The following TMPRSS13 variants were observed in gnomAD, a reference collection of about 807,000 sequenced individuals.
TMPRSS13 encodes the protein transmembrane protease serine 13.
Under a neutral mutation model 68.4 loss-of-function variants are expected in TMPRSS13, and 50 were observed. That is an observed-to-expected ratio of 0.73 (90% CI 0.58 to 0.93). TMPRSS13 has a LOEUF of 0.93. Among genes scored for constraint, TMPRSS13 ranks in the 40% least tolerant of loss-of-function variants. The pLI is 0.00. For missense variants in TMPRSS13, 615 were observed against 729.2 expected (o/e 0.84, Z 1.80); for synonymous variants, 267 against 285.8 (o/e 0.93, Z 0.66).
rs892891980 is a variant in TMPRSS13 at position 117,910,753 on chromosome 11, G to A, written c.903-3C>T. 1 of 1,606,288 alleles carries A rather than the reference G, an allele frequency of 6.2e-7. No individual in the cohort carries two copies. The highest frequency in any genetic ancestry group is 8.5e-7 in the Non-Finnish European group (1 of 1,175,598). The stretch of plus-strand genomic sequence containing the variant: ...ACCGCTGGGAAGGGCATTCAGACCT[G>A]CAGGGGGAGACACAGAAAGTGGGAA... On this transcript the variant is annotated splice_region_variant and splice_polypyrimidine_tract_variant and intron_variant, in intron 6 of 12. Transcript: ENST00000524993.
At chr11:117,907,703 T>G in intron 9 of TMPRSS13, 37 of 705,098 alleles carry the variant, frequency 5.2e-5, no homozygotes, top group South Asian at 1.3e-4. Context: ...CTTCCTCTGC[T>G]GAGCTTCCCC....
At chr11:117,921,660 A>G (rs2057650066) in intron 1 of TMPRSS13, among the ~76,000 whole-genome samples, 1 of 152,192 alleles carries the variant, frequency 6.6e-6, no homozygotes. Flanking sequence ...AGAAAGGGCG[A>G]CACATCCGAA....
intron 1 of TMPRSS13, among the ~76,000 whole-genome samples, chr11:117,923,222 G>A (rs911910159): frequency 2.6e-5 from 4 of 152,202 alleles, no homozygotes; most frequent in Admixed American, 6.5e-5. Context: ...TAAACCCAAG[G>A]CCCCCCACTT....
intron 5 of TMPRSS13, among the ~76,000 whole-genome samples, chr11:117,913,483 AGTGAAT>A (rs2057543074): frequency 6.6e-6 from 1 of 152,324 alleles, no homozygotes; most frequent in East Asian, 1.9e-4. Context: ...CACCACGATC[AGTGAAT>A]GTGATAATGG....
At position 117,900,715 on chromosome 11, in the gene TMPRSS13, C is replaced by T. The variant is rs2057405198; in HGVS notation, c.*1524G>A. On this transcript the variant is annotated 3_prime_UTR_variant, in exon 13 of 13. Transcript: ENST00000524993. The stretch of plus-strand genomic sequence containing the variant: ...GCAGACAGGAATGTGGCCTCCTTCC[C>T]AGTCTTGCTAACATTCCCCAGTGTA... 1 of 152,250 alleles carries T rather than the reference C, an allele frequency of 6.6e-6. No individual in the cohort carries two copies. Among genetic ancestry groups the T allele is most frequent in the African/African-American group, 2.4e-5 (1 of 41,460 alleles). 9.4% of individuals were successfully genotyped at this position (152,250 alleles called of 1,614,324 possible).
In TMPRSS13 at chr11:117,922,433, C is replaced by T. The variant is rs1407231040; in HGVS notation, c.22-3595G>A. 6.6e-6 allele frequency among the ~76,000 whole-genome samples: 1 copy of T among 152,142 alleles called. No homozygotes were observed. Among genetic ancestry groups the T allele is most frequent in the Non-Finnish European group, 1.5e-5 (1 of 68,030 alleles). On this transcript the variant is annotated intron_variant, in intron 1 of 12. Coordinates refer to ENST00000524993, the MANE Select transcript of TMPRSS13 (RefSeq NM_001077263.3). The surrounding 1 kb of genome is among the most constrained non-coding windows in gnomAD (Gnocchi z 4.2). Reference sequence around the variant, plus strand: ...TATTTTTAATAGAGATGGGGTTTCACCATGTTGGCCAGGATGGTCTCGATC... The same window carrying T: ...TATTTTTAATAGAGATGGGGTTTCATCATGTTGGCCAGGATGGTCTCGATC...
At position 117,908,696 on chromosome 11, in the gene TMPRSS13, T is replaced by G; in HGVS notation, c.1198A>C (p.Ile400Leu). The G allele has an allele frequency of 6.2e-7, 1 of 1,604,218 alleles. No homozygotes were observed. The highest frequency in any genetic ancestry group is 1.1e-5 in the South Asian group (1 of 88,276). ...TCGGTGTAATTGCTGTTGATGATGATCTCGGCAATGGAGGCTGCCTCAGGC... is the reference window on the plus strand; with the variant it reads ...TCGGTGTAATTGCTGTTGATGATGAGCTCGGCAATGGAGGCTGCCTCAGGC... ...QLPEAASIAE[I>L]IINSNYTDEE... is the part of the protein sequence containing the mutation. The change falls in exon 9 of 13, where the codon ATC becomes CTC. Residue 400 changes from isoleucine to leucine, a missense_variant. Physicochemically the swap from Ile to Leu is conservative, Grantham distance 5 (BLOSUM62 2). Transcript: ENST00000524993.
At position 117,910,690 on chromosome 11, in the gene TMPRSS13, G is replaced by T. The variant is rs1367453575; in HGVS notation, c.946+17C>A. ...CCACACGACACTGGCCACAATCCAA[G>T]AAGAAGAACATCTTACGGGAACACT... On this transcript the variant is annotated intron_variant, in intron 7 of 12. Transcript: ENST00000524993. 6.9e-6 allele frequency: 11 copies of T among 1,604,638 alleles called. No individual in the cohort carries two copies. Among genetic ancestry groups the T allele is most frequent in the Non-Finnish European group, 9.4e-6 (11 of 1,174,560 alleles).
chr11:117,919,874 C>T (rs1163619720), intron 1 of TMPRSS13, among the ~76,000 whole-genome samples: 1 of 152,240 alleles, frequency 6.6e-6, no homozygotes, highest in Non-Finnish European at 1.5e-5. Context: ...GCTTCCTGCA[C>T]AGTCTTCGTG....
rs1591618649 is a variant in TMPRSS13, at chr11:117,908,388, T to C, written c.1282+224A>G. On this transcript the variant is annotated intron_variant, in intron 9 of 12. Coordinates refer to ENST00000524993, the MANE Select transcript of TMPRSS13 (RefSeq NM_001077263.3). ...CCCTGACTCCGTCATCAATTTGTAA[T>C]GTGAGATGTGTCATTTGGAGCAAAC... 6.5e-6 allele frequency: 4 copies of C among 613,840 alleles called. No individual in the cohort carries two copies. The East Asian group carries it at 1.1e-4, about 17-fold the overall frequency. The allele number at this position is 613,840 out of a possible 1,614,324, so 38.0% of individuals were successfully genotyped here. A position where few individuals can be genotyped will look rare whatever the true frequency, so the allele number is the denominator to read the frequency against.
intron 9 of TMPRSS13, 23 bp from the exon 10 acceptor site, chr11:117,905,759 C>A: frequency 6.4e-7 from 1 of 1,561,904 alleles, no homozygotes; most frequent in South Asian, 1.2e-5. Flanking sequence ...CTCCAGACGT[C>A]AGTGAAGGAA....
At chr11:117,905,366 C>T (rs1261865612) in intron 10 of TMPRSS13, among the ~76,000 whole-genome samples, 3 of 152,084 alleles carry the variant, frequency 2.0e-5, no homozygotes, top group Non-Finnish European at 4.4e-5. Flanking sequence ...TGTGTTCTCT[C>T]TCTCATTGCA....
At position 117,915,798 on chromosome 11, in the gene TMPRSS13, G is replaced by A. The variant is rs1308434269; in HGVS notation, c.557-1284C>T. 2.6e-5 allele frequency among the ~76,000 whole-genome samples: 4 copies of A among 152,168 alleles called. No homozygotes were observed. Among genetic ancestry groups the A allele is most frequent in the South Asian group, 4.1e-4 (2 of 4,824 alleles). On this transcript the variant is annotated intron_variant, in intron 3 of 12. Transcript: ENST00000524993. The surrounding 1 kb of genome is among the most constrained non-coding windows in gnomAD (Gnocchi z 4.9). ...TGAGCCCACCCGTGGGTGCCATCTC[G>A]CCCCTCCATGGGTTAGTCCTGTGGC...
At chr11:117,903,237 A>T in intron 12 of TMPRSS13, 1 of 1,325,140 alleles carries the variant, frequency 7.5e-7, no homozygotes, top group Non-Finnish European at 9.9e-7. Flanking sequence ...AAGAAAATCA[A>T]AAAGACTAAA....
rs371376151 is a variant in TMPRSS13 at position 117,904,120 on chromosome 11, G to A, written c.1382-19C>T. On this transcript the variant is annotated intron_variant, in intron 10 of 12. Coordinates refer to ENST00000524993, the MANE Select transcript of TMPRSS13 (RefSeq NM_001077263.3). ...GTCTTGTCTTCAGTGAAGTGGGGTGGAGGAGACAGAGGATGGGAAGCCAGT... is the reference window on the plus strand; with the variant it reads ...GTCTTGTCTTCAGTGAAGTGGGGTGAAGGAGACAGAGGATGGGAAGCCAGT... 3.0e-4 allele frequency: 479 copies of A among 1,611,366 alleles called. 2 individuals carry two copies. The highest frequency in any genetic ancestry group is 1.6e-3 in the East Asian group (74 of 44,858).
intron 3 of TMPRSS13, 99 bp downstream of exon 3, chr11:117,917,071 G>A (rs1591626068): frequency 1.0e-6 from 1 of 963,258 alleles, no homozygotes; most frequent in East Asian, 2.6e-5. Flanking sequence ...GGGTGAGTGG[G>A]TGCTCCCCAC....
intron 11 of TMPRSS13, 55 bp downstream of exon 11, chr11:117,903,904 G>A: frequency 6.3e-7 from 1 of 1,598,260 alleles, no homozygotes; most frequent in South Asian, 1.1e-5. Flanking sequence ...CAACACCCCT[G>A]CCTCCCCCAT....
chr11:117,913,649 G>A, intron 5 of TMPRSS13, 128 bp downstream of exon 5: 1 of 1,211,544 alleles, frequency 8.3e-7, no homozygotes, highest in East Asian at 2.4e-5. Flanking sequence ...GGTGTCCAGA[G>A]CTAGTGAGAT....
chr11:117,905,402 A>G (rs2057454532), intron 10 of TMPRSS13, among the ~76,000 whole-genome samples: 1 of 152,072 alleles, frequency 6.6e-6, no homozygotes, highest in African/African-American at 2.4e-5. Context: ...AACTAGTTCA[A>G]CCACAGCAGT....
Sources: allele counts gnomAD v4.1 joint callset (sites outside exome capture counted in the v4.1 genomes callset), GRCh38; gene constraint gnomAD v4.1.1; non-coding constraint Gnocchi (gnomAD v3.1); transcripts MANE v1.5; gene names NCBI Gene and HGNC (gene_info 2026-07-23, HGNC 2026-07-21).